Variants in CLCN3 observed in about 807,000 individuals in gnomAD.
The protein encoded by CLCN3 is Cl-/H+ antiporter 3, also known as H(+)/Cl(-) exchange transporter 3.
Under a neutral mutation model 83.4 loss-of-function variants are expected in CLCN3, and 16 were observed. The ratio of observed to expected loss-of-function variants is 0.19; its 90% CI spans 0.13 to 0.29. CLCN3 has a LOEUF of 0.29. Ranked by LOEUF, CLCN3 falls within the 10% of genes least tolerant of loss-of-function variation. The probability of loss-of-function intolerance (pLI) is 1.00; values close to 1 mark genes in which losing one functional copy is unlikely to be tolerated. For synonymous variants in CLCN3, 322 were observed against 346.2 expected, an observed-to-expected ratio of 0.93 and a Z score of 0.78; for missense variants, 544 against 1,006.0, an observed-to-expected ratio of 0.54 and a Z score of 6.21.
Position 169,720,144 on chromosome 4 carries a change from G to A in CLCN3, c.*147G>A, listed in dbSNP as rs1733579612. 8.1e-7 allele frequency: 1 copy of A among 1,237,298 alleles called. No individual in the cohort carries two copies. Among genetic ancestry groups the A allele is most frequent in the Admixed American group, 2.3e-5 (1 of 44,238 alleles). 76.6% of individuals were successfully genotyped at this position (1,237,298 alleles called of 1,614,324 possible). On this transcript the variant is annotated 3_prime_UTR_variant, in exon 13 of 13. Transcript: ENST00000513761. ...ATAAAAGCCGGGTTTTTGCAACATG[G>A]TTTGCAAATAATGCTGGTGGAATGG... is the stretch of plus-strand genomic sequence containing the variant.
intron 1 of CLCN3, among the ~76,000 whole-genome samples, chr4:169,629,501 G>C (rs1232054084): frequency 6.6e-6 from 1 of 152,006 alleles, no homozygotes; most frequent in Non-Finnish European, 1.5e-5. Context: ...CTCCTGAGTA[G>C]CTGGGATTAC....
rs565259652 is a variant in CLCN3 at position 169,701,760 on chromosome 4, G to A, written c.1564-2238G>A. Reference sequence around the variant, plus strand: ...GAAATTAAAATACACTTGAAAGAGGGCCAAGTGGGCATCTTGGAAGACAAG... The same window carrying A: ...GAAATTAAAATACACTTGAAAGAGGACCAAGTGGGCATCTTGGAAGACAAG... On this transcript the variant is annotated intron_variant, in intron 9 of 12. Coordinates refer to ENST00000513761, the MANE Select transcript of CLCN3 (RefSeq NM_001829.4). Among the ~76,000 whole-genome samples, 13 of 152,280 alleles carry A rather than the reference G, an allele frequency of 8.5e-5. 1 individual carries two copies. Among genetic ancestry groups the A allele is most frequent in the African/African-American group, 2.9e-4 (12 of 41,550 alleles).
intron 3 of CLCN3, among the ~76,000 whole-genome samples, chr4:169,681,233 A>C (rs1157829869): frequency 1.3e-5 from 2 of 152,128 alleles, no homozygotes. Flanking sequence ...TTTTTAGTAG[A>C]GATGAAGTTT....
chr4:169,636,940 C>T (rs150309618), intron 2 of CLCN3, among the ~76,000 whole-genome samples: 1 of 151,774 alleles, frequency 6.6e-6, no homozygotes, highest in Admixed American at 6.6e-5. Context: ...GTCAATTACC[C>T]TATTCAAAGA....
chr4:169,660,413 G>A (rs780786957), intron 2 of CLCN3: 13 of 1,408,998 alleles, frequency 9.2e-6, no homozygotes, highest in Non-Finnish European at 1.0e-5. Flanking sequence ...GACGGGGGAG[G>A]AGACAGTATT....
At chr4:169,678,970 A>G (rs1036316637) in intron 2 of CLCN3, among the ~76,000 whole-genome samples, 8 of 152,036 alleles carry the variant, frequency 5.3e-5, no homozygotes, top group African/African-American at 1.9e-4. Context: ...GGGGCTCCTC[A>G]CTTCCCACAC....
At chr4:169,672,713 G>C (rs1475424746) in intron 2 of CLCN3, among the ~76,000 whole-genome samples, 2 of 152,098 alleles carry the variant, frequency 1.3e-5, no homozygotes, top group South Asian at 2.1e-4. Context: ...ACCCAGGCTA[G>C]AGTGCAGTGG....
At chr4:169,627,990 A>G (rs545181798) in intron 1 of CLCN3, among the ~76,000 whole-genome samples, 17 of 152,334 alleles carry the variant, frequency 1.1e-4, no homozygotes, top group Non-Finnish European at 2.4e-4. Context: ...TCTGAAATAG[A>G]TCCACATAAA....
intron 1 of CLCN3, among the ~76,000 whole-genome samples, chr4:169,630,776 G>C (rs929459418): frequency 7.9e-5 from 12 of 152,130 alleles, no homozygotes; most frequent in Admixed American, 7.2e-4. Context: ...TGATCCGCCA[G>C]CCTTGGCCTC....
chr4:169,628,083 A>ACATCCATACACTGTCCC (rs1432756654), intron 1 of CLCN3, among the ~76,000 whole-genome samples: 1 of 152,238 alleles, frequency 6.6e-6, no homozygotes, highest in African/African-American at 2.4e-5. Context: ...GAGCAATTAG[A>ACATCCATACACTGTCCC]CATCCATACA....
chr4:169,660,187 T>A, intron 2 of CLCN3: 1 of 1,167,918 alleles, frequency 8.6e-7, no homozygotes, highest in Non-Finnish European at 1.1e-6. Flanking sequence ...ATAATTTCCC[T>A]TTGATGACAT....
intron 9 of CLCN3, among the ~76,000 whole-genome samples, chr4:169,700,063 C>T (rs1732720341): frequency 6.6e-6 from 1 of 152,108 alleles, no homozygotes; most frequent in South Asian, 2.1e-4. Flanking sequence ...AGGCAATTGG[C>T]AGGCCTTTGT....
intron 12 of CLCN3, among the ~76,000 whole-genome samples, chr4:169,715,461 T>C (rs1413187550): frequency 2.6e-5 from 4 of 152,108 alleles, no homozygotes; most frequent in Admixed American, 1.3e-4. Flanking sequence ...ATGGGACTTT[T>C]TGTTTTGTTT....
chr4:169,707,098 C>T lies in CLCN3; in HGVS notation c.1981C>T (p.Arg661Ter). The T allele has an allele frequency of 6.2e-7, 1 of 1,613,938 alleles. No individual in the cohort carries two copies. The highest frequency in any genetic ancestry group is 8.5e-7 in the Non-Finnish European group (1 of 1,179,944). ...CCTGGCTGCTGACGTTATGAGACCT[C>T]GAAGGAATGATCCTCCCTTAGCTGT... The part of the protein sequence containing the change: ...TTLAADVMRP[R>*]RNDPPLAVLT... The change falls in exon 11 of 13, where the codon CGA becomes TGA. Residue 661 changes from arginine (R) to a stop codon, truncating the protein, a stop_gained. Coordinates refer to ENST00000513761, the MANE Select transcript of CLCN3 (RefSeq NM_001829.4). LOFTEE classifies it high-confidence loss of function.
At chr4:169,698,671 T>A (rs1027631563) in intron 9 of CLCN3, among the ~76,000 whole-genome samples, 1 of 152,210 alleles carries the variant, frequency 6.6e-6, no homozygotes, top group African/African-American at 2.4e-5. Flanking sequence ...TTTTATTAGT[T>A]TCCTATTGCT....
chr4:169,675,529 A>G (rs1731641719), intron 2 of CLCN3, among the ~76,000 whole-genome samples: 1 of 152,232 alleles, frequency 6.6e-6, no homozygotes, highest in South Asian at 2.1e-4. Flanking sequence ...ACATTAGTAC[A>G]GAGTGCCACT....
intron 2 of CLCN3, among the ~76,000 whole-genome samples, chr4:169,637,467 A>G (rs966210706): frequency 6.6e-6 from 1 of 152,138 alleles, no homozygotes; most frequent in African/African-American, 2.4e-5. Flanking sequence ...AACCTGGGCA[A>G]CAAAGTGAGA....
chr4:169,644,050 CT>C (rs1359095163), intron 2 of CLCN3, among the ~76,000 whole-genome samples: 2 of 152,152 alleles, frequency 1.3e-5, no homozygotes, highest in Non-Finnish European at 2.9e-5. Context: ...CAGATAAGTG[CT>C]TTTCCTCAGG....
chr4:169,675,717 A>C (rs569086679), intron 2 of CLCN3, among the ~76,000 whole-genome samples: 1 of 152,174 alleles, frequency 6.6e-6, no homozygotes, highest in Non-Finnish European at 1.5e-5. Context: ...TTTGGAAAAA[A>C]TTTAAATGTT....
Sources: allele counts gnomAD v4.1 joint callset (sites outside exome capture counted in the v4.1 genomes callset), GRCh38; gene constraint gnomAD v4.1.1; transcripts MANE v1.5; gene names NCBI Gene and HGNC (gene_info 2026-07-23, HGNC 2026-07-21).